VTI1A: variants seen among roughly 807,000 people sequenced by gnomAD.
VTI1A encodes vesicle transport through interaction with t-SNAREs 1A.
A neutral mutation model predicts 34.9 loss-of-function variants in VTI1A; 22 were observed. The ratio of observed to expected loss-of-function variants is 0.63; its 90% CI spans 0.45 to 0.90. The LOEUF is 0.90. VTI1A is among the 40% of genes least tolerant of loss of function. VTI1A has a pLI of 0.00. For synonymous variants in VTI1A, 87 were observed against 97.3 expected, an observed-to-expected ratio of 0.89 and a Z score of 0.62; for missense variants, 268 against 275.6, an observed-to-expected ratio of 0.97 and a Z score of 0.20.
chr10:112,657,272 C>T (rs1313368713), intron 5 of VTI1A, among the ~76,000 whole-genome samples: 1 of 152,160 alleles, frequency 6.6e-6, no homozygotes, highest in African/African-American at 2.4e-5. Context: ...TATCCATTGT[C>T]CTATATTTTT....
At position 112,657,563 on chromosome 10, in the gene VTI1A, C is replaced by A. The variant is rs558710835; in HGVS notation, c.428-10655C>A. 1.0e-3 allele frequency among the ~76,000 whole-genome samples: 152 copies of A among 152,082 alleles called. 1 individual carries two copies. Among genetic ancestry groups the A allele is most frequent in the African/African-American group, 3.6e-3 (148 of 41,494 alleles). The stretch of plus-strand genomic sequence containing the variant: ...ATTTTGTATGAATCAAAAATTACTC[C>A]TTGCCATCCCCTACCTCACACATAT... On this transcript the variant is annotated intron_variant, in intron 5 of 7. Transcript: ENST00000393077.
chr10:112,452,622 T>C (rs1165065259), intron 1 of VTI1A, among the ~76,000 whole-genome samples: 1 of 151,884 alleles, frequency 6.6e-6, no homozygotes, highest in Non-Finnish European at 1.5e-5. Context: ...TTGAATAATA[T>C]ACATTCATAT....
chr10:112,650,376 C>A (rs1278921106), intron 5 of VTI1A, among the ~76,000 whole-genome samples: 1 of 152,142 alleles, frequency 6.6e-6, no homozygotes, highest in African/African-American at 2.4e-5. Flanking sequence ...CAATAACATG[C>A]ATGGAGCTGT....
intron 3 of VTI1A, among the ~76,000 whole-genome samples, chr10:112,518,683 A>G (rs191756318): frequency 2.7e-4 from 41 of 150,172 alleles, no homozygotes; most frequent in Admixed American, 1.6e-3. Context: ...ACACACACAC[A>G]TAACTTTTTA....
At position 112,595,754 on chromosome 10, in the gene VTI1A, C is replaced by T. The variant is rs1458259461; in HGVS notation, c.427+57424C>T. Among the ~76,000 whole-genome samples the T allele has an allele frequency of 6.0e-5, 9 of 149,784 alleles. No individual in the cohort carries two copies. In the East Asian group the frequency reaches 7.8e-4, roughly 13 times the overall value. Reference sequence around the variant, plus strand: ...TCAACCATTGTGGAAGTCAGTGTGGCGATTCCTCAGGGATCTAGAACTAGA... The same window carrying T: ...TCAACCATTGTGGAAGTCAGTGTGGTGATTCCTCAGGGATCTAGAACTAGA... On this transcript the variant is annotated intron_variant, in intron 5 of 7. Coordinates refer to ENST00000393077, the MANE Select transcript of VTI1A (RefSeq NM_145206.4).
chr10:112,701,354 G>A (rs937733258), intron 7 of VTI1A, among the ~76,000 whole-genome samples: 1 of 152,146 alleles, frequency 6.6e-6, no homozygotes, highest in Admixed American at 6.5e-5. Context: ...CGATTACTTC[G>A]AATGGCTGGA....
At chr10:112,550,009 C>T (rs1851288756) in intron 5 of VTI1A, among the ~76,000 whole-genome samples, 1 of 152,122 alleles carries the variant, frequency 6.6e-6, no homozygotes, top group Admixed American at 6.5e-5. Flanking sequence ...TCATTTAAAT[C>T]CTGTTTGGAG....
At chr10:112,703,339 G>T (rs1037344409) in intron 7 of VTI1A, among the ~76,000 whole-genome samples, 1 of 152,086 alleles carries the variant, frequency 6.6e-6, no homozygotes, top group Admixed American at 6.5e-5. Flanking sequence ...AGGCCAAGGC[G>T]GGCGGATCAC....
downstream of VTI1A, among the ~76,000 whole-genome samples, chr10:112,820,317 A>G (rs1853631007): frequency 6.6e-6 from 1 of 152,264 alleles, no homozygotes. Context: ...GTGAAGAGCC[A>G]TCCTCAGTCC....
At chr10:112,498,835 A>G (rs541876154) in intron 3 of VTI1A, among the ~76,000 whole-genome samples, 3 of 152,262 alleles carry the variant, frequency 2.0e-5, no homozygotes, top group Admixed American at 2.0e-4. Flanking sequence ...TTCAAGTGGT[A>G]GGTGCTCTAT....
At chr10:112,481,784 G>A (rs980737185) in intron 3 of VTI1A, among the ~76,000 whole-genome samples, 6 of 152,208 alleles carry the variant, frequency 3.9e-5, no homozygotes, top group Admixed American at 6.5e-5. Context: ...CCCAGTGTCT[G>A]TATTTTCTCT....
At chr10:112,536,649 G>A (rs966321267) in intron 4 of VTI1A, among the ~76,000 whole-genome samples, 8 of 151,606 alleles carry the variant, frequency 5.3e-5, no homozygotes, top group Admixed American at 2.0e-4. Flanking sequence ...TACATTGGAC[G>A]ACTCTATTAA....
intron 3 of VTI1A, among the ~76,000 whole-genome samples, chr10:112,498,565 A>T (rs1461497069): frequency 6.6e-6 from 1 of 152,174 alleles, no homozygotes; most frequent in Admixed American, 6.5e-5. Context: ...ATGTGCTGTG[A>T]CTATTTAGAG....
intron 7 of VTI1A, among the ~76,000 whole-genome samples, chr10:112,700,473 T>C (rs1346434644): frequency 6.6e-6 from 1 of 152,220 alleles, no homozygotes; most frequent in African/African-American, 2.4e-5. Context: ...CAATCATCTT[T>C]CTTGATCTTC....
At chr10:112,782,898 A>C (rs937727084) in intron 7 of VTI1A, among the ~76,000 whole-genome samples, 2 of 152,152 alleles carry the variant, frequency 1.3e-5, no homozygotes, top group African/African-American at 4.8e-5. Context: ...TGATTCAGTG[A>C]TTATAACTCA....
intron 4 of VTI1A, among the ~76,000 whole-genome samples, chr10:112,534,415 T>C (rs1490569345): frequency 6.6e-6 from 1 of 152,158 alleles, no homozygotes; most frequent in African/African-American, 2.4e-5. Context: ...AATTTAAAAA[T>C]TGTCTAATTG....
At chr10:112,845,763 A>G in the VTI1A span, among the ~76,000 whole-genome samples, 5 of 152,236 alleles carry the variant, frequency 3.3e-5, no homozygotes, top group Admixed American at 6.5e-5. Flanking sequence ...CACGCCTGTA[A>G]TCCCAGCACT....
chr10:112,456,592 T>C (rs975716411), intron 1 of VTI1A, among the ~76,000 whole-genome samples: 5 of 151,942 alleles, frequency 3.3e-5, no homozygotes, highest in African/African-American at 1.2e-4. Flanking sequence ...GCAAAGACTA[T>C]ATTATAAGAG....
At chr10:112,712,589 G>A (rs1227374509) in intron 7 of VTI1A, among the ~76,000 whole-genome samples, 1 of 152,028 alleles carries the variant, frequency 6.6e-6, no homozygotes, top group African/African-American at 2.4e-5. Context: ...ATGCAGAGGG[G>A]TAGGGGCGTG....
Sources: allele counts gnomAD v4.1 joint callset (sites outside exome capture counted in the v4.1 genomes callset), GRCh38; gene constraint gnomAD v4.1.1; transcripts MANE v1.5; gene names NCBI Gene and HGNC (gene_info 2026-07-23, HGNC 2026-07-21).